The following SOX5 variants were observed in gnomAD, a reference collection of about 807,000 sequenced individuals.
The protein encoded by SOX5 is SRY-box transcription factor 5.
A neutral mutation model predicts 92.0 loss-of-function variants in SOX5; 9 were observed. The ratio of observed to expected loss-of-function variants is 0.10; its 90% CI spans 0.06 to 0.17. SOX5 has a LOEUF of 0.17. Ranked by LOEUF, SOX5 falls within the 10% of genes least tolerant of loss-of-function variation. The probability of loss-of-function intolerance (pLI) is 1.00; values close to 1 mark genes in which losing one functional copy is unlikely to be tolerated. For missense variants in SOX5, 642 were observed against 944.5 expected, an observed-to-expected ratio of 0.68 and a Z score of 4.20; for synonymous variants, 344 against 336.3, an observed-to-expected ratio of 1.02 and a Z score of -0.25.
chr12:23,581,617 T>A (rs1283962235), intron 9 of SOX5, among the ~76,000 whole-genome samples: 3 of 152,258 alleles, frequency 2.0e-5, no homozygotes, highest in African/African-American at 7.2e-5. Context: ...TATCTAATGG[T>A]ATTTCAGCTA....
intron 4 of SOX5, among the ~76,000 whole-genome samples, chr12:23,992,718 G>T (rs1950678180): frequency 6.6e-6 from 1 of 151,936 alleles, no homozygotes; most frequent in Non-Finnish European, 1.5e-5. Flanking sequence ...CTTCTTTGAG[G>T]TCCATTTTTT....
At chr12:24,161,438 T>A (rs559584806) in intron 4 of SOX5, among the ~76,000 whole-genome samples, 2 of 152,156 alleles carry the variant, frequency 1.3e-5, no homozygotes, top group East Asian at 3.9e-4. Flanking sequence ...AATATACCCA[T>A]AGGATCTGTT....
intron 3 of SOX5, among the ~76,000 whole-genome samples, chr12:23,782,490 T>C (rs529474128): frequency 6.6e-6 from 1 of 152,240 alleles, no homozygotes; most frequent in East Asian, 1.9e-4. Context: ...AAGTTCCAAG[T>C]ATCTAAAACT....
chr12:23,662,482 C>T (rs2083195565), intron 7 of SOX5, among the ~76,000 whole-genome samples: 1 of 152,142 alleles, frequency 6.6e-6, no homozygotes, highest in Non-Finnish European at 1.5e-5. Context: ...TGTGCTGCTA[C>T]TAATTTACTC....
intron 2 of SOX5, among the ~76,000 whole-genome samples, chr12:23,892,387 T>C (rs1354274366): frequency 6.6e-6 from 1 of 152,200 alleles, no homozygotes; most frequent in East Asian, 1.9e-4. Context: ...TACCAGGGCA[T>C]TGTGTCCACA....
At chr12:24,014,910 A>G (rs1246442559) in intron 4 of SOX5, among the ~76,000 whole-genome samples, 5 of 152,052 alleles carry the variant, frequency 3.3e-5, no homozygotes, top group Non-Finnish European at 5.9e-5. Context: ...TAGAGGTAAA[A>G]CTGCTGGCTT....
chr12:24,360,100 A>T (rs1955370403), intron 2 of SOX5, among the ~76,000 whole-genome samples: 1 of 152,214 alleles, frequency 6.6e-6, no homozygotes, highest in Non-Finnish European at 1.5e-5. Context: ...TGGTAAAGTT[A>T]CTTAGAAGTT....
intron 6 of SOX5, among the ~76,000 whole-genome samples, chr12:23,691,059 T>A (rs1344573608): frequency 6.6e-6 from 1 of 151,842 alleles, no homozygotes; most frequent in East Asian, 1.9e-4. Flanking sequence ...CAAGAGAGAG[T>A]TGGTGAAAGG....
chr12:24,128,841 T>G (rs927571047), intron 4 of SOX5, among the ~76,000 whole-genome samples: 2 of 152,058 alleles, frequency 1.3e-5, no homozygotes, highest in Non-Finnish European at 2.9e-5. Context: ...GGAAATGGAT[T>G]TGTGGGGTTG....
intron 2 of SOX5, among the ~76,000 whole-genome samples, chr12:24,363,962 T>C (rs1416850184): frequency 6.6e-6 from 1 of 152,224 alleles, no homozygotes; most frequent in East Asian, 1.9e-4. Flanking sequence ...ACAGAAAACC[T>C]TCAGGCCCTA....
chr12:23,686,636 G>A (rs2087639123), intron 6 of SOX5, among the ~76,000 whole-genome samples: 1 of 152,108 alleles, frequency 6.6e-6, no homozygotes, highest in South Asian at 2.1e-4. Context: ...AAAAGCATAT[G>A]ACATATCCTT....
chr12:24,019,700 C>A (rs779421071), intron 4 of SOX5, among the ~76,000 whole-genome samples: 12 of 152,308 alleles, frequency 7.9e-5, no homozygotes, highest in Non-Finnish European at 1.3e-4. Flanking sequence ...CACAAGTTCA[C>A]TGCAACTGTG....
intron 2 of SOX5, among the ~76,000 whole-genome samples, chr12:23,846,792 C>A (rs1439953871): frequency 1.3e-5 from 2 of 152,118 alleles, no homozygotes; most frequent in African/African-American, 2.4e-5. Flanking sequence ...CAAGAATATT[C>A]CAAGTTCAAT....
At chr12:23,673,755 A>G (rs917992498) in intron 6 of SOX5, among the ~76,000 whole-genome samples, 3 of 152,100 alleles carry the variant, frequency 2.0e-5, no homozygotes, top group Non-Finnish European at 4.4e-5. Flanking sequence ...AAAAATTACC[A>G]AATGTCGGGA....
intron 1 of SOX5, among the ~76,000 whole-genome samples, chr12:24,546,761 C>G (rs992308512): frequency 2.6e-5 from 4 of 152,144 alleles, no homozygotes; most frequent in African/African-American, 9.7e-5. Flanking sequence ...CTTTTATCAC[C>G]TAGATCCAAC....
At chr12:24,141,563 G>T (rs1163276362) in intron 4 of SOX5, among the ~76,000 whole-genome samples, 1 of 152,182 alleles carries the variant, frequency 6.6e-6, no homozygotes, top group Admixed American at 6.5e-5. Context: ...ACGGCTGGAA[G>T]AATCCTTCAG....
At chr12:23,695,306 A>AAATTCCATAAAAATTTTGG (rs2089621129) in intron 6 of SOX5, among the ~76,000 whole-genome samples, 1 of 152,148 alleles carries the variant, frequency 6.6e-6, no homozygotes, top group South Asian at 2.1e-4. Context: ...AAATGCTTTG[A>AAATTCCATAAAAATTTTGG]AATTCCATAA....
chr12:24,296,622 T>C (rs762860491), intron 2 of SOX5, among the ~76,000 whole-genome samples: 2 of 152,238 alleles, frequency 1.3e-5, no homozygotes, highest in Non-Finnish European at 2.9e-5. Flanking sequence ...GCAATGGTTG[T>C]GTCTTTCTCG....
chr12:24,210,042 A>G (rs1041548397), intron 4 of SOX5, among the ~76,000 whole-genome samples: 30 of 150,482 alleles, frequency 2.0e-4, no homozygotes, highest in Non-Finnish European at 4.0e-4. Flanking sequence ...AAAAAAAAAA[A>G]AAAAGAAATA....
Sources: gnomAD v4.1 joint callset for allele counts (sites outside exome capture counted in the v4.1 genomes callset) on GRCh38, gnomAD v4.1.1 for gene constraint, MANE v1.5 for transcripts, NCBI Gene and HGNC (gene_info 2026-07-23, HGNC 2026-07-21) for gene names.